SGCZ: variants seen among roughly 807,000 people sequenced by gnomAD.
SGCZ encodes the protein sarcoglycan zeta, also known as zeta-sarcoglycan.
Under a neutral mutation model 41.3 loss-of-function variants are expected in SGCZ, and 40 were observed. The observed-to-expected ratio is 0.97, with a 90% CI of 0.75 to 1.26. SGCZ has a LOEUF of 1.26. Among genes scored for constraint, SGCZ ranks in the 50% most tolerant of loss-of-function variants. The pLI, the probability that SGCZ is intolerant of heterozygous loss-of-function variation, is 0.00. For synonymous variants in SGCZ, 206 were observed against 137.5 expected, an observed-to-expected ratio of 1.50 and a Z score of -3.49; for missense variants, 552 against 369.8, an observed-to-expected ratio of 1.49 and a Z score of -4.04.
At chr8:14,953,361 C>T (rs897525453) in intron 1 of SGCZ, among the ~76,000 whole-genome samples, 1 of 152,136 alleles carries the variant, frequency 6.6e-6, no homozygotes, top group Non-Finnish European at 1.5e-5. Flanking sequence ...ATCACCAGAA[C>T]AGCAAGGGGG....
Position 14,803,386 on chromosome 8 carries a change from C to G in SGCZ, c.40-248460G>C, listed in dbSNP as rs566976244. Among the ~76,000 whole-genome samples the G allele has an allele frequency of 5.9e-5, 9 of 152,180 alleles. No individual in the cohort carries two copies. In the East Asian group the frequency reaches 1.8e-3, roughly 30 times the overall value. ...GTGGGTGCGCGCACCATGCGCAAGCCGAAGCAGGGTGAGGCATTGCCTCAC... is the reference window on the plus strand; with the variant it reads ...GTGGGTGCGCGCACCATGCGCAAGCGGAAGCAGGGTGAGGCATTGCCTCAC... On this transcript the variant is annotated intron_variant, in intron 1 of 7. Coordinates refer to ENST00000382080, the MANE Select transcript of SGCZ (RefSeq NM_139167.4).
At chr8:14,893,380 G>T (rs567083093) in intron 1 of SGCZ, among the ~76,000 whole-genome samples, 27 of 152,222 alleles carry the variant, frequency 1.8e-4, no homozygotes, top group Middle Eastern at 6.8e-3. Flanking sequence ...TGAGAGCCAC[G>T]TCAAACTTCT....
At chr8:14,591,996 A>G (rs989840331) in intron 1 of SGCZ, among the ~76,000 whole-genome samples, 4 of 152,140 alleles carry the variant, frequency 2.6e-5, no homozygotes, top group Admixed American at 2.0e-4. Flanking sequence ...TATTGGAACA[A>G]TTGTCTACAA....
intron 3 of SGCZ, among the ~76,000 whole-genome samples, chr8:14,288,578 G>A (rs1025122385): frequency 6.6e-6 from 1 of 152,106 alleles, no homozygotes; most frequent in Non-Finnish European, 1.5e-5. Context: ...ATGTTTTCAA[G>A]ATTCATTCAT....
intron 1 of SGCZ, among the ~76,000 whole-genome samples, chr8:15,022,749 T>C (rs1585482933): frequency 6.6e-6 from 1 of 152,324 alleles, no homozygotes; most frequent in African/African-American, 2.4e-5. Flanking sequence ...GTAATAACTA[T>C]TATAACTTTC....
At chr8:14,314,442 A>G (rs1411082606) in intron 3 of SGCZ, among the ~76,000 whole-genome samples, 8 of 152,210 alleles carry the variant, frequency 5.3e-5, no homozygotes, top group Admixed American at 6.6e-5. Flanking sequence ...ATTGTCAGAA[A>G]ACAATGAATC....
intron 3 of SGCZ, among the ~76,000 whole-genome samples, chr8:14,317,428 A>C (rs1202489739): frequency 6.6e-6 from 1 of 151,980 alleles, no homozygotes; most frequent in Non-Finnish European, 1.5e-5. Context: ...AGCTATTATT[A>C]AAAATCATTA....
At chr8:14,694,423 C>T (rs1305754900) in intron 1 of SGCZ, among the ~76,000 whole-genome samples, 3 of 152,106 alleles carry the variant, frequency 2.0e-5, no homozygotes, top group Non-Finnish European at 2.9e-5. Context: ...AATATTCTAA[C>T]GTTGACTTTA....
intron 4 of SGCZ, among the ~76,000 whole-genome samples, chr8:14,212,142 T>A (rs962129993): frequency 6.6e-6 from 1 of 152,024 alleles, no homozygotes; most frequent in Non-Finnish European, 1.5e-5. Context: ...GCCATTCACA[T>A]TGTAGTAAGG....
chr8:15,124,990 A>G (rs1807627949), intron 1 of SGCZ, among the ~76,000 whole-genome samples: 1 of 152,212 alleles, frequency 6.6e-6, no homozygotes, highest in African/African-American at 2.4e-5. Flanking sequence ...GGAAATGCTT[A>G]AAGGTTATAT....
chr8:15,087,744 T>A (rs1806001904), intron 1 of SGCZ, among the ~76,000 whole-genome samples: 1 of 152,136 alleles, frequency 6.6e-6, no homozygotes, highest in Non-Finnish European at 1.5e-5. Flanking sequence ...TAACATATGA[T>A]TAAGTAAAGC....
At chr8:14,851,696 A>G (rs566832040) in intron 1 of SGCZ, among the ~76,000 whole-genome samples, 1 of 152,310 alleles carries the variant, frequency 6.6e-6, no homozygotes, top group African/African-American at 2.4e-5. Context: ...ATCCATTTAT[A>G]GAACATGATT....
chr8:14,250,936 G>T (rs1340733973), intron 3 of SGCZ, among the ~76,000 whole-genome samples: 1 of 152,196 alleles, frequency 6.6e-6, no homozygotes, highest in East Asian at 1.9e-4. Flanking sequence ...TATGTTAAAT[G>T]ACATACTTGG....
chr8:14,147,997 T>A (rs189159372), intron 5 of SGCZ, among the ~76,000 whole-genome samples: 3 of 152,228 alleles, frequency 2.0e-5, no homozygotes, highest in Non-Finnish European at 4.4e-5. Context: ...GAAAAATTTC[T>A]TGAAACAAAT....
intron 2 of SGCZ, among the ~76,000 whole-genome samples, chr8:14,509,050 C>A (rs901020086): frequency 3.9e-5 from 6 of 152,134 alleles, no homozygotes; most frequent in African/African-American, 1.4e-4. Flanking sequence ...CATTTGTTCA[C>A]TCTCATTAGA....
intron 3 of SGCZ, among the ~76,000 whole-genome samples, chr8:14,298,394 G>A (rs1801086694): frequency 6.6e-6 from 1 of 151,644 alleles, no homozygotes; most frequent in Non-Finnish European, 1.5e-5. Flanking sequence ...TACTAAGATT[G>A]AAAAAAACTA....
intron 1 of SGCZ, among the ~76,000 whole-genome samples, chr8:14,978,241 G>T (rs184599746): frequency 2.0e-5 from 3 of 151,320 alleles, no homozygotes; most frequent in Non-Finnish European, 4.4e-5. Context: ...GCTGAGGGGG[G>T]TGGATCACCT....
At chr8:14,327,725 C>A (rs57328808) in intron 2 of SGCZ, among the ~76,000 whole-genome samples, 1 of 152,128 alleles carries the variant, frequency 6.6e-6, no homozygotes, top group African/African-American at 2.4e-5. Flanking sequence ...TCAGATATAC[C>A]ATCACATTTC....
intron 1 of SGCZ, among the ~76,000 whole-genome samples, chr8:15,151,845 A>T (rs997368648): frequency 6.6e-6 from 1 of 152,230 alleles, no homozygotes; most frequent in Non-Finnish European, 1.5e-5. Flanking sequence ...TGATCCATCA[A>T]TATACTGGCT....
Sources: allele counts gnomAD v4.1 joint callset (sites outside exome capture counted in the v4.1 genomes callset), GRCh38; gene constraint gnomAD v4.1.1; transcripts MANE v1.5; gene names NCBI Gene and HGNC (gene_info 2026-07-23, HGNC 2026-07-21).